SNX27: variants seen among roughly 807,000 people sequenced by gnomAD.
SNX27 encodes the protein sorting nexin 27.
Under a neutral mutation model 71.6 loss-of-function variants are expected in SNX27, and 22 were observed. The observed-to-expected ratio is 0.31, with a 90% CI of 0.22 to 0.44. The LOEUF (loss-of-function observed/expected upper bound fraction) is 0.44. SNX27 is among the 20% of genes least tolerant of loss of function. The pLI, the probability that SNX27 is intolerant of heterozygous loss-of-function variation, is 1.00. For missense variants in SNX27, 531 were observed against 698.6 expected (o/e 0.76, Z 2.70); for synonymous variants, 269 against 277.2 (o/e 0.97, Z 0.29).
At chr1:151,656,744 A>G (rs1669711382) in intron 2 of SNX27, among the ~76,000 whole-genome samples, 2 of 152,208 alleles carry the variant, frequency 1.3e-5, no homozygotes, top group South Asian at 4.1e-4. Flanking sequence ...CAGATTAAAA[A>G]CAAACGAGCA....
intron 7 of SNX27, among the ~76,000 whole-genome samples, chr1:151,681,233 A>ATTTTTTTTTTTTTTTTT (rs1558071789): frequency 3.4e-5 from 3 of 87,380 alleles, no homozygotes; most frequent in South Asian, 3.7e-4. Context: ...TAGTCTCTCA[A>ATTTTTTTTTTTTTTTTT]TCTTTTTTTT....
Position 151,692,435 on chromosome 1 carries a change from T to TAAAAAAA in SNX27, c.1241_1242insAAAAAAA (p.Tyr414Ter). On this transcript the variant is annotated stop_gained and frameshift_variant and splice_region_variant, in exon 9 of 12. Transcript: ENST00000458013. LOFTEE classifies it high-confidence loss of function. The stretch of plus-strand genomic sequence containing the variant: ...TTTTTTTTTTTTTTTTTTTTTTTAG[T>TAAAAAAA]ACCTCAACATGCTAAGGACTTGTGA... The TAAAAAAA allele has an allele frequency of 1.3e-6, 1 of 799,386 alleles. No individual in the cohort carries two copies. Among genetic ancestry groups the TAAAAAAA allele is most frequent in the Non-Finnish European group, 1.9e-6 (1 of 536,610 alleles). The allele number at this position is 799,386 out of a possible 1,614,324, so 49.5% of individuals were successfully genotyped here. A position where few individuals can be genotyped will look rare whatever the true frequency, so the allele number is the denominator to read the frequency against.
intron 1 of SNX27, among the ~76,000 whole-genome samples, chr1:151,613,541 C>T (rs990179087): frequency 3.3e-5 from 5 of 152,058 alleles, no homozygotes; most frequent in Admixed American, 1.3e-4. Flanking sequence ...CCTAGTCTTT[C>T]CCTCCCCTAG....
At chr1:151,623,824 A>G (rs988281482) in intron 1 of SNX27, among the ~76,000 whole-genome samples, 1 of 151,648 alleles carries the variant, frequency 6.6e-6, no homozygotes, top group African/African-American at 2.4e-5. Flanking sequence ...GATAAAAATG[A>G]AAAAAAAATC....
chr1:151,615,744 G>A (rs1280387605), intron 1 of SNX27: 1 of 983,674 alleles, frequency 1.0e-6, no homozygotes, highest in Non-Finnish European at 1.2e-6. Context: ...CTTCTATTGT[G>A]TTTACAAATT....
At chr1:151,685,828 G>A (rs974377303) in intron 8 of SNX27, among the ~76,000 whole-genome samples, 16 of 152,128 alleles carry the variant, frequency 1.1e-4, no homozygotes, top group South Asian at 8.3e-4. Context: ...CGAAGATCAG[G>A]GAGCCACCTT....
chr1:151,679,655 C>A (rs1397073772), intron 7 of SNX27: 1 of 152,070 alleles, frequency 6.6e-6, no homozygotes, highest in African/African-American at 2.4e-5. Flanking sequence ...AACAAAAACA[C>A]GAGGCATTTA....
chr1:151,644,509 C>A (rs1668942762), intron 2 of SNX27, among the ~76,000 whole-genome samples: 1 of 152,132 alleles, frequency 6.6e-6, no homozygotes, highest in Admixed American at 6.5e-5. Flanking sequence ...TTTATTTATC[C>A]ATTCTTCAAT....
intron 7 of SNX27, among the ~76,000 whole-genome samples, chr1:151,668,924 A>G (rs1276565186): frequency 1.3e-5 from 2 of 152,194 alleles, no homozygotes; most frequent in East Asian, 1.9e-4. Context: ...TTTTCCACCA[A>G]TATTATACAT....
chr1:151,690,594 G>A (rs1671392465), intron 8 of SNX27, among the ~76,000 whole-genome samples: 1 of 151,750 alleles, frequency 6.6e-6, no homozygotes, highest in Non-Finnish European at 1.5e-5. Context: ...AGGACTACAG[G>A]TGCCCGGCAA....
chr1:151,653,488 G>T (rs530775855), intron 2 of SNX27, among the ~76,000 whole-genome samples: 1 of 152,254 alleles, frequency 6.6e-6, no homozygotes, highest in Admixed American at 6.5e-5. Context: ...TGCTTAGAGT[G>T]AGGGCTGGGG....
chr1:151,643,696 T>G (rs2102644374), intron 2 of SNX27, among the ~76,000 whole-genome samples: 1 of 152,222 alleles, frequency 6.6e-6, no homozygotes, highest in African/African-American at 2.4e-5. Context: ...GTTTCGCTCT[T>G]GTTGCTCAGG....
chr1:151,680,502 CA>C (rs2102717454), intron 7 of SNX27: 1 of 152,222 alleles, frequency 6.6e-6, no homozygotes, highest in South Asian at 2.1e-4. Context: ...TTTACTGCCC[CA>C]TGTGTAAAAG....
At chr1:151,618,657 C>T (rs907347718) in intron 1 of SNX27, among the ~76,000 whole-genome samples, 3 of 152,080 alleles carry the variant, frequency 2.0e-5, no homozygotes, top group Admixed American at 2.0e-4. Flanking sequence ...TTCTTATGAC[C>T]TTGTAGATAA....
intron 1 of SNX27, among the ~76,000 whole-genome samples, chr1:151,624,613 A>G (rs903418820): frequency 6.7e-6 from 1 of 150,344 alleles, no homozygotes; most frequent in Non-Finnish European, 1.5e-5. Context: ...TGTATTTTTA[A>G]TAGAGATGGG....
intron 7 of SNX27, among the ~76,000 whole-genome samples, chr1:151,674,072 C>T (rs1024150006): frequency 6.6e-6 from 1 of 151,944 alleles, no homozygotes; most frequent in Non-Finnish European, 1.5e-5. Context: ...CTTACTCTTG[C>T]CATTTTGTTA....
At chr1:151,693,137 T>C in intron 10 of SNX27, 98 bp downstream of exon 10, 1 of 1,502,388 alleles carries the variant, frequency 6.7e-7, no homozygotes. Flanking sequence ...GAGCTAGTAG[T>C]TGTCTTGAGA....
Position 151,683,408 on chromosome 1 carries a change from A to G in SNX27, c.1202A>G (p.Gln401Arg). 1 of 1,613,948 alleles carries G rather than the reference A, an allele frequency of 6.2e-7. No homozygotes were observed. Among genetic ancestry groups the G allele is most frequent in the Non-Finnish European group, 8.5e-7 (1 of 1,179,978 alleles). ...GYIKAEEKSY[Q>R]LQKLYEQRKM... ...ATCAAAGCAGAAGAAAAGTCCTATC[A>G]ATTACAGAAGCTATACGAACAAAGA... Residue 401 changes from glutamine to arginine, a missense_variant, in exon 8 of 12, where the codon CAA (glutamine) becomes CGA (arginine). Gln to Arg is a conservative substitution (Grantham distance 43). This residue lies in a region of SNX27 where 157 missense variants were observed against 178.4 expected (regional missense o/e 0.88). Transcript: ENST00000458013.
intron 2 of SNX27, among the ~76,000 whole-genome samples, chr1:151,653,758 T>G (rs755523665): frequency 9.9e-5 from 15 of 151,930 alleles, no homozygotes; most frequent in Non-Finnish European, 2.2e-4. Flanking sequence ...TGGGCTCAAG[T>G]GATCCTCCTG....
Sources: allele counts gnomAD v4.1 joint callset (sites outside exome capture counted in the v4.1 genomes callset), GRCh38; gene constraint gnomAD v4.1.1; regional missense constraint gnomAD v4.1.1; transcripts MANE v1.5; gene names NCBI Gene and HGNC (gene_info 2026-07-23, HGNC 2026-07-21).